Variants in LGSN observed in about 807,000 individuals in gnomAD.
LGSN encodes the protein lengsin, lens protein with glutamine synthetase domain, also known as lengsin.
A neutral mutation model predicts 19.5 loss-of-function variants in LGSN; 21 were observed. The observed-to-expected ratio is 1.07, with a 90% CI of 0.76 to 1.55. The LOEUF is 1.55. LGSN is among the 40% of genes most tolerant of loss of function. The pLI is 0.00. For missense variants in LGSN, 673 were observed against 608.5 expected (o/e 1.11, Z -1.12); for synonymous variants, 257 against 215.6 (o/e 1.19, Z -1.68).
the LGSN span, among the ~76,000 whole-genome samples, chr6:63,562,244 G>A: frequency 1.4e-5 from 2 of 145,084 alleles, no homozygotes; most frequent in Non-Finnish European, 3.0e-5. Context: ...TTGTTTCCCA[G>A]GCTGGAGTGC....
the LGSN span, among the ~76,000 whole-genome samples, chr6:63,427,191 T>C: frequency 6.6e-6 from 1 of 151,848 alleles, no homozygotes; most frequent in African/African-American, 2.4e-5. Context: ...AGTACAGCCA[T>C]GTGCCACCAC....
chr6:63,332,743 G>A, the LGSN span, among the ~76,000 whole-genome samples: 1 of 152,252 alleles, frequency 6.6e-6, no homozygotes, highest in African/African-American at 2.4e-5. Flanking sequence ...GGTACTCACT[G>A]CTTGGTGATA....
At chr6:63,344,888 A>G in the LGSN span, among the ~76,000 whole-genome samples, 21 of 152,314 alleles carry the variant, frequency 1.4e-4, no homozygotes, top group Admixed American at 1.2e-3. Flanking sequence ...TAATACTGTA[A>G]ACTTACAATG....
the LGSN span, among the ~76,000 whole-genome samples, chr6:63,440,363 T>A: frequency 6.6e-6 from 1 of 152,180 alleles, no homozygotes; most frequent in Non-Finnish European, 1.5e-5. Context: ...TGGCATTCAA[T>A]CTGTGAGGCA....
chr6:63,434,798 C>A, the LGSN span, among the ~76,000 whole-genome samples: 2 of 151,960 alleles, frequency 1.3e-5, no homozygotes, highest in Non-Finnish European at 2.9e-5. Flanking sequence ...GGGAAGACAG[C>A]CTTTGGGAAA....
the LGSN span, among the ~76,000 whole-genome samples, chr6:63,484,802 C>T: frequency 6.6e-6 from 1 of 152,156 alleles, no homozygotes; most frequent in Non-Finnish European, 1.5e-5. Context: ...GTCAGTAATA[C>T]CTACTGTTAT....
At chr6:63,321,393 T>C (rs1467705497), upstream of LGSN, among the ~76,000 whole-genome samples, 1 of 152,240 alleles carries the variant, frequency 6.6e-6, no homozygotes, top group Non-Finnish European at 1.5e-5. Flanking sequence ...CTGGTTTACA[T>C]GTTCAGTTAC....
chr6:63,570,818 C>A, the LGSN span, among the ~76,000 whole-genome samples: 1 of 152,190 alleles, frequency 6.6e-6, no homozygotes, highest in African/African-American at 2.4e-5. Flanking sequence ...TGAAGTATCA[C>A]CAATATTTCC....
the LGSN span, among the ~76,000 whole-genome samples, chr6:63,429,805 G>C: frequency 6.6e-6 from 1 of 151,266 alleles, no homozygotes; most frequent in African/African-American, 2.4e-5. Flanking sequence ...AAGGCCACTA[G>C]AGACCCAAGC....
the LGSN span, among the ~76,000 whole-genome samples, chr6:63,408,260 C>A: frequency 1.3e-5 from 2 of 151,336 alleles, no homozygotes; most frequent in African/African-American, 4.9e-5. Context: ...GGAGGCATAA[C>A]ACTACCTGAC....
chr6:63,554,672 A>T, the LGSN span, among the ~76,000 whole-genome samples: 7 of 152,136 alleles, frequency 4.6e-5, no homozygotes, highest in Admixed American at 6.6e-5. Context: ...ATGTAGTCCC[A>T]GCTACTGGAG....
the LGSN span, among the ~76,000 whole-genome samples, chr6:63,352,624 G>A: frequency 6.6e-6 from 1 of 151,322 alleles, no homozygotes; most frequent in Non-Finnish European, 1.5e-5. Context: ...TCACACCACC[G>A]CACTCCAGTC....
chr6:63,511,759 G>A, the LGSN span, among the ~76,000 whole-genome samples: 1 of 152,042 alleles, frequency 6.6e-6, no homozygotes, highest in Non-Finnish European at 1.5e-5. Context: ...TATTTTTACT[G>A]TGTAATTTTT....
At chr6:63,339,942 C>T in the LGSN span, among the ~76,000 whole-genome samples, 5 of 151,948 alleles carry the variant, frequency 3.3e-5, no homozygotes, top group African/African-American at 1.2e-4. Flanking sequence ...TTGTAGATCC[C>T]CTCTAACAGT....
chr6:63,304,273 G>C (rs923914219), intron 1 of LGSN, among the ~76,000 whole-genome samples: 2 of 152,184 alleles, frequency 1.3e-5, no homozygotes, highest in Non-Finnish European at 2.9e-5. Context: ...CACCTTTCTA[G>C]ATGGGCATCA....
the LGSN span, among the ~76,000 whole-genome samples, chr6:63,412,557 A>AAGAAAGAAAAAGAAAGAAG: frequency 2.9e-5 from 4 of 138,192 alleles, no homozygotes; most frequent in African/African-American, 1.3e-4. Context: ...AAAGAAAGAA[A>AAGAAAGAAAAAGAAAGAAG]GAAAGAAAGA....
At chr6:63,572,047 T>G in the LGSN span, 1 of 152,258 alleles carries the variant, frequency 6.6e-6, no homozygotes, top group African/African-American at 2.4e-5. Flanking sequence ...GAAAGCAGGC[T>G]CGACACTGAG....
the LGSN span, among the ~76,000 whole-genome samples, chr6:63,558,276 G>C: frequency 6.6e-6 from 1 of 152,054 alleles, no homozygotes; most frequent in Non-Finnish European, 1.5e-5. Flanking sequence ...AAGTAAAAGG[G>C]GGAAGGAGGG....
the LGSN span, among the ~76,000 whole-genome samples, chr6:63,368,009 A>G: frequency 4.6e-5 from 7 of 152,034 alleles, no homozygotes; most frequent in Non-Finnish European, 7.4e-5. Flanking sequence ...GTTAAGGGGT[A>G]CAGCACACCA....
Sources: allele counts gnomAD v4.1 joint callset (sites outside exome capture counted in the v4.1 genomes callset), GRCh38; gene constraint gnomAD v4.1.1; transcripts MANE v1.5; gene names NCBI Gene and HGNC (gene_info 2026-07-23, HGNC 2026-07-21).